The following THSD4 variants were observed in gnomAD, a reference collection of about 807,000 sequenced individuals.
THSD4 encodes the protein thrombospondin type-1 domain-containing protein 4.
A neutral mutation model predicts 119.0 loss-of-function variants in THSD4; 69 were observed. The observed-to-expected ratio is 0.58, with a 90% confidence interval of 0.48 to 0.71. THSD4 has a LOEUF of 0.71. Ranked by LOEUF, THSD4 falls within the 30% of genes least tolerant of loss-of-function variation. THSD4 has a pLI of 0.00. For synonymous variants in THSD4, 524 were observed against 540.4 expected (o/e 0.97, Z 0.42); for missense variants, 1,393 against 1,391.1 (o/e 1.00, Z -0.02).
chr15:71,365,891 C>T (rs1012959183), intron 6 of THSD4, among the ~76,000 whole-genome samples: 2 of 152,110 alleles, frequency 1.3e-5, no homozygotes, highest in African/African-American at 4.8e-5. Flanking sequence ...CAGTCACAGT[C>T]GCAAGTCAGT....
intron 8 of THSD4, among the ~76,000 whole-genome samples, chr15:71,664,333 C>T (rs181544819): frequency 2.0e-5 from 3 of 152,012 alleles, no homozygotes; most frequent in African/African-American, 7.2e-5. Flanking sequence ...CCTGTTGTTT[C>T]CAGAATTACC....
chr15:71,125,028 C>T (rs1455236394), intron 1 of THSD4, among the ~76,000 whole-genome samples: 3 of 151,916 alleles, frequency 2.0e-5, no homozygotes, highest in Non-Finnish European at 4.4e-5. Context: ...GAGCCATGTT[C>T]ATGCAACTGC....
chr15:71,553,684 G>A (rs1379480484), intron 7 of THSD4, among the ~76,000 whole-genome samples: 1 of 152,110 alleles, frequency 6.6e-6, no homozygotes, highest in Non-Finnish European at 1.5e-5. Context: ...CACAGATTTA[G>A]GTAGATACAT....
intron 6 of THSD4, among the ~76,000 whole-genome samples, chr15:71,389,841 G>T (rs1312478272): frequency 1.1e-4 from 5 of 46,254 alleles, no homozygotes; most frequent in Non-Finnish European, 1.7e-4. Flanking sequence ...ACAGAGTCTC[G>T]CTCTGTCACT....
At chr15:71,676,044 T>C (rs2051640797) in intron 8 of THSD4, among the ~76,000 whole-genome samples, 1 of 152,214 alleles carries the variant, frequency 6.6e-6, no homozygotes, top group African/African-American at 2.4e-5. Context: ...TCCATAGTTA[T>C]TATCTTAGTC....
At chr15:71,157,020 A>C (rs2040784665) in intron 3 of THSD4, among the ~76,000 whole-genome samples, 1 of 152,210 alleles carries the variant, frequency 6.6e-6, no homozygotes, top group Non-Finnish European at 1.5e-5. Context: ...GCCTACTTTT[A>C]TTATGAAGTT....
Position 71,736,180 on chromosome 15 carries a change from ACTCTGTCTCTCTCTTGCT to A in THSD4, c.1631-1539_1631-1522del, listed in dbSNP as rs1352544467. On this transcript the variant is annotated intron_variant, in intron 10 of 17. Coordinates refer to ENST00000261862, the MANE Select transcript of THSD4 (RefSeq NM_024817.3). Reference sequence around the variant, plus strand: ...TGCTCTCTGTCTCTGTCTCTCTCACACTCTGTCTCTCTCTTGCTCTCTGTCTCTCTGTTGCTGTCTCTG... The same window carrying A: ...TGCTCTCTGTCTCTGTCTCTCTCACACTCTGTCTCTCTGTTGCTGTCTCTG... Among the ~76,000 whole-genome samples, 174 of 23,282 alleles carry A rather than the reference ACTCTGTCTCTCTCTTGCT, an allele frequency of 7.5e-3. 2 individuals are homozygous for A. Among genetic ancestry groups the A allele is most frequent in the African/African-American group, 0.025 (140 of 5,518 alleles). The allele number at this position is 23,282 out of a possible 152,430, so 15.3% of individuals were successfully genotyped here.
chr15:71,665,715 G>A lies in THSD4; in HGVS notation c.1357+4981G>A, dbSNP rs112386318. ...GGTCCAGTTTCAATCTTCTCCATATGGCTAGCCAGTTCTCCCAGGACCACT... is the reference window on the plus strand; with the variant it reads ...GGTCCAGTTTCAATCTTCTCCATATAGCTAGCCAGTTCTCCCAGGACCACT... On this transcript the variant is annotated intron_variant, in intron 8 of 17. Coordinates refer to ENST00000261862, the MANE Select transcript of THSD4 (RefSeq NM_024817.3). Among the ~76,000 whole-genome samples, 1,383 of 152,216 alleles carry A rather than the reference G, an allele frequency of 9.1e-3. 55 individuals carry two copies. Among genetic ancestry groups the A allele is most frequent in the Admixed American group, 0.06 (918 of 15,278 alleles).
At chr15:71,585,322 A>G (rs1444262206) in intron 7 of THSD4, among the ~76,000 whole-genome samples, 1 of 152,166 alleles carries the variant, frequency 6.6e-6, no homozygotes, top group East Asian at 1.9e-4. Context: ...GTAATTTCTG[A>G]AGGACAATTT....
At chr15:71,606,679 T>G (rs2050117135) in intron 7 of THSD4, among the ~76,000 whole-genome samples, 1 of 152,196 alleles carries the variant, frequency 6.6e-6, no homozygotes, top group African/African-American at 2.4e-5. Flanking sequence ...TAGCTGGGAT[T>G]ACAGGCATGT....
chr15:71,550,781 A>G (rs1270805215), intron 7 of THSD4, among the ~76,000 whole-genome samples: 1 of 152,200 alleles, frequency 6.6e-6, no homozygotes, highest in African/African-American at 2.4e-5. Context: ...AAAAATAAAT[A>G]TCTTAGCTGC....
chr15:71,272,396 CAAAAAAAAAAAAAA>C (rs61293620), intron 6 of THSD4, among the ~76,000 whole-genome samples: 7 of 55,562 alleles, frequency 1.3e-4, no homozygotes, highest in Admixed American at 6.4e-4. Flanking sequence ...GACTCTGTCT[CAAAAAAAAAAAAAA>C]AAAAAAAAAA....
At position 71,568,361 on chromosome 15, in the gene THSD4, TG is replaced by T. The variant is rs1375428657; in HGVS notation, c.1153-92166del. On this transcript the variant is annotated intron_variant, in intron 7 of 17. Coordinates refer to ENST00000261862, the MANE Select transcript of THSD4 (RefSeq NM_024817.3). ...ATGCTACAAAATAGGATGCAGCACATGGGTGACATGATGAGAGGTCCTTGAA... is the reference window on the plus strand; with the variant it reads ...ATGCTACAAAATAGGATGCAGCACATGGTGACATGATGAGAGGTCCTTGAA... Among the ~76,000 whole-genome samples, 18 of 152,044 alleles carry T rather than the reference TG, an allele frequency of 1.2e-4. No individual in the cohort carries two copies. In the South Asian group the frequency reaches 1.9e-3, roughly 16 times the overall value.
At chr15:71,201,699 T>G (rs1374299771) in intron 3 of THSD4, among the ~76,000 whole-genome samples, 7 of 152,326 alleles carry the variant, frequency 4.6e-5, no homozygotes, top group Middle Eastern at 6.8e-3. Context: ...GTGTTTGCAT[T>G]TGCACAGGGT....
intron 7 of THSD4, among the ~76,000 whole-genome samples, chr15:71,433,152 A>G (rs1404387746): frequency 6.6e-6 from 1 of 151,666 alleles, no homozygotes; most frequent in African/African-American, 2.4e-5. Context: ...CATATTTACT[A>G]GTAAGTTTAT....
chr15:71,582,962 C>G (rs748851652), intron 7 of THSD4, among the ~76,000 whole-genome samples: 1 of 152,090 alleles, frequency 6.6e-6, no homozygotes, highest in African/African-American at 2.4e-5. Flanking sequence ...TGGAAATGCT[C>G]TCTCCCTTTC....
In THSD4 at chr15:71,527,708, CTTTTTT is replaced by C. The variant is rs10635101; in HGVS notation, c.1152+115902_1152+115907del. Among the ~76,000 whole-genome samples the C allele has an allele frequency of 3.6e-3, 291 of 79,740 alleles. 1 individual carries two copies. Among genetic ancestry groups the C allele is most frequent in the African/African-American group, 0.012 (283 of 24,586 alleles). 52.3% of individuals were successfully genotyped at this position (79,740 alleles called of 152,430 possible). A position where few individuals can be genotyped will look rare whatever the true frequency, so the allele number is the denominator to read the frequency against. On this transcript the variant is annotated intron_variant, in intron 7 of 17. Coordinates refer to ENST00000261862, the MANE Select transcript of THSD4 (RefSeq NM_024817.3). Reference sequence around the variant, plus strand: ...GATTTTTTTTCCCCATGTTTATCCTCTTTTTTTTTTTTTTTTTTTTTTGAGACAGGG... The same window carrying C: ...GATTTTTTTTCCCCATGTTTATCCTCTTTTTTTTTTTTTTTTGAGACAGGG...
chr15:71,353,906 G>A (rs906179040), intron 6 of THSD4, among the ~76,000 whole-genome samples: 11 of 152,146 alleles, frequency 7.2e-5, no homozygotes, highest in South Asian at 6.2e-4. Flanking sequence ...GTTATTACAC[G>A]TATGAGTAAA....
At chr15:71,532,832 A>C (rs2048635558) in intron 7 of THSD4, among the ~76,000 whole-genome samples, 1 of 152,202 alleles carries the variant, frequency 6.6e-6, no homozygotes, top group African/African-American at 2.4e-5. Context: ...AAGATTAGAG[A>C]AGGAGTGTGT....
Sources: gnomAD v4.1 joint callset for allele counts (sites outside exome capture counted in the v4.1 genomes callset) on GRCh38, gnomAD v4.1.1 for gene constraint, MANE v1.5 for transcripts, NCBI Gene and HGNC (gene_info 2026-07-23, HGNC 2026-07-21) for gene names.